The following FHIT variants were observed in gnomAD, a reference collection of about 807,000 sequenced individuals.
FHIT encodes fragile histidine triad diadenosine triphosphatase, also known as bis(5'-adenosyl)-triphosphatase.
Under a neutral mutation model 17.9 loss-of-function variants are expected in FHIT, and 19 were observed. The ratio of observed to expected loss-of-function variants is 1.06; its 90% CI spans 0.74 to 1.56. The LOEUF is 1.56. Ranked by LOEUF, FHIT falls within the 40% of genes most tolerant of loss-of-function variation. The pLI is 0.00. For synonymous variants in FHIT, 81 were observed against 69.7 expected (o/e 1.16, Z -0.81); for missense variants, 248 against 189.2 (o/e 1.31, Z -1.82).
chr3:60,112,627 G>C (rs569517254), intron 5 of FHIT, among the ~76,000 whole-genome samples: 1 of 152,170 alleles, frequency 6.6e-6, no homozygotes, highest in East Asian at 1.9e-4. Flanking sequence ...AATTGGAGAA[G>C]ACTTTTTTTG....
chr3:60,985,433 T>G (rs1559887713), intron 3 of FHIT, among the ~76,000 whole-genome samples: 1 of 152,122 alleles, frequency 6.6e-6, no homozygotes, highest in South Asian at 2.1e-4. Context: ...TCCCTGAAAT[T>G]TCATGGGTTC....
intron 8 of FHIT, among the ~76,000 whole-genome samples, chr3:59,773,214 G>C (rs1702153417): frequency 6.6e-6 from 1 of 152,176 alleles, no homozygotes; most frequent in African/African-American, 2.4e-5. Flanking sequence ...GCAGAGCCAT[G>C]ATAAAGCTTC....
At chr3:60,423,077 A>G (rs1702534113) in intron 5 of FHIT, among the ~76,000 whole-genome samples, 1 of 152,284 alleles carries the variant, frequency 6.6e-6, no homozygotes, top group South Asian at 2.1e-4. Flanking sequence ...CCCTAGACAT[A>G]CCCAACGGAA....
In FHIT at chr3:60,506,207, C is replaced by A. The variant is rs62251662; in HGVS notation, c.103+30653G>T. Among the ~76,000 whole-genome samples, 348 of 152,210 alleles carry A rather than the reference C, an allele frequency of 2.3e-3. 1 individual carries two copies. Among genetic ancestry groups the A allele is most frequent in the Non-Finnish European group, 3.9e-3 (265 of 68,014 alleles). On this transcript the variant is annotated intron_variant, in intron 5 of 9. Coordinates refer to ENST00000492590, the MANE Select transcript of FHIT (RefSeq NM_002012.4). ...GCACTAATGAAGGAGTCCACAAACACTGGTTACATAGCACACATGGTTGAT... is the reference window on the plus strand; with the variant it reads ...GCACTAATGAAGGAGTCCACAAACAATGGTTACATAGCACACATGGTTGAT...
chr3:60,975,700 A>G (rs1710202092), intron 3 of FHIT, among the ~76,000 whole-genome samples: 1 of 152,196 alleles, frequency 6.6e-6, no homozygotes. Flanking sequence ...AAGTATTTCT[A>G]TATCTATCTG....
At chr3:59,944,514 CTT>C (rs5849312) in intron 7 of FHIT, among the ~76,000 whole-genome samples, 4 of 150,192 alleles carry the variant, frequency 2.7e-5, no homozygotes, top group Admixed American at 2.0e-4. Context: ...ACATTTTTTT[CTT>C]TTTTTTTTAT....
intron 7 of FHIT, among the ~76,000 whole-genome samples, chr3:60,004,033 C>T (rs1160002410): frequency 1.3e-5 from 2 of 152,002 alleles, no homozygotes; most frequent in Non-Finnish European, 2.9e-5. Context: ...AGTGCTCCTT[C>T]AATGATTAGT....
At chr3:59,816,748 G>A (rs1700613394) in intron 8 of FHIT, among the ~76,000 whole-genome samples, 1 of 152,112 alleles carries the variant, frequency 6.6e-6, no homozygotes, top group African/African-American at 2.4e-5. Flanking sequence ...CTCCTTGAAC[G>A]ATCTTATCCC....
intron 7 of FHIT, among the ~76,000 whole-genome samples, chr3:59,935,308 C>T (rs1390190540): frequency 6.6e-6 from 1 of 152,170 alleles, no homozygotes; most frequent in Non-Finnish European, 1.5e-5. Context: ...GTTTATAGTA[C>T]ATGTGCTTGG....
chr3:60,043,815 C>A (rs1356906307), intron 5 of FHIT, among the ~76,000 whole-genome samples: 1 of 152,146 alleles, frequency 6.6e-6, no homozygotes, highest in African/African-American at 2.4e-5. Flanking sequence ...AAGTCCGACC[C>A]AGCTGATTAG....
chr3:61,048,704 A>G (rs9869632), intron 2 of FHIT, among the ~76,000 whole-genome samples: 27,365 of 152,118 alleles, frequency 0.18, 2,561 homozygotes, highest in African/African-American at 0.22. Flanking sequence ...CACGATTCAC[A>G]ATAGCAAAGA....
At chr3:60,376,225 C>T (rs1392669613) in intron 5 of FHIT, among the ~76,000 whole-genome samples, 1 of 152,170 alleles carries the variant, frequency 6.6e-6, no homozygotes, top group Non-Finnish European at 1.5e-5. Context: ...ATGCTTGACA[C>T]CACAAGCCCC....
At chr3:60,520,051 A>G (rs778481781) in intron 5 of FHIT, among the ~76,000 whole-genome samples, 2 of 152,146 alleles carry the variant, frequency 1.3e-5, no homozygotes, top group Non-Finnish European at 2.9e-5. Context: ...TTATGATTTC[A>G]TACACCATCT....
At chr3:60,132,299 G>A (rs1699627946) in intron 5 of FHIT, among the ~76,000 whole-genome samples, 1 of 152,162 alleles carries the variant, frequency 6.6e-6, no homozygotes, top group Admixed American at 6.6e-5. Context: ...GAAAGCAGCT[G>A]GCCTTGCTGA....
chr3:59,898,421 T>C (rs1704170129), intron 8 of FHIT, among the ~76,000 whole-genome samples: 1 of 151,078 alleles, frequency 6.6e-6, no homozygotes, highest in Admixed American at 6.6e-5. Flanking sequence ...CATATTTGTA[T>C]ATATGTGTGC....
chr3:59,785,931 G>A (rs988602557), intron 8 of FHIT, among the ~76,000 whole-genome samples: 5 of 152,132 alleles, frequency 3.3e-5, no homozygotes, highest in African/African-American at 9.7e-5. Context: ...TATGCGCTCC[G>A]CTAATACCTT....
intron 5 of FHIT, among the ~76,000 whole-genome samples, chr3:60,236,776 A>G (rs952559439): frequency 6.6e-6 from 1 of 152,196 alleles, no homozygotes; most frequent in Non-Finnish European, 1.5e-5. Context: ...ATAGAAAAAT[A>G]TAAAAACTCC....
intron 7 of FHIT, among the ~76,000 whole-genome samples, chr3:60,000,415 T>C (rs1015761805): frequency 4.6e-5 from 7 of 152,214 alleles, no homozygotes; most frequent in African/African-American, 1.7e-4. Context: ...TCTTTTGTGC[T>C]GTAAAGTCAG....
intron 2 of FHIT, among the ~76,000 whole-genome samples, chr3:61,142,491 A>G (rs1362252615): frequency 6.9e-6 from 1 of 144,406 alleles, no homozygotes; most frequent in East Asian, 1.9e-4. Context: ...TAGACTGCTA[A>G]CCTGCTGTGA....
Sources: gnomAD v4.1 joint callset for allele counts (sites outside exome capture counted in the v4.1 genomes callset) on GRCh38, gnomAD v4.1.1 for gene constraint, MANE v1.5 for transcripts, NCBI Gene and HGNC (gene_info 2026-07-23, HGNC 2026-07-21) for gene names.